Variants in GLT1D1 observed in about 807,000 individuals in gnomAD.
GLT1D1 encodes the protein glycosyltransferase 1 domain containing 1.
GLT1D1 carries 21 observed loss-of-function variants against 28.7 expected under a neutral mutation model. That is an observed-to-expected ratio of 0.73 (90% CI 0.52 to 1.05). The LOEUF (loss-of-function observed/expected upper bound fraction) is 1.05. Ranked by LOEUF, GLT1D1 falls within the 50% of genes least tolerant of loss-of-function variation. The pLI is 0.00. For synonymous variants in GLT1D1, 147 were observed against 124.8 expected (o/e 1.18, Z -1.19); for missense variants, 343 against 330.6 (o/e 1.04, Z -0.29).
At chr12:128,964,453 G>A (rs555180193) in intron 7 of GLT1D1, among the ~76,000 whole-genome samples, 9 of 152,216 alleles carry the variant, frequency 5.9e-5, no homozygotes, top group East Asian at 3.9e-4. Context: ...ACCTCCTGCC[G>A]TCCCCTTGGG....
At chr12:128,971,129 T>C (rs1242568310) in intron 7 of GLT1D1, among the ~76,000 whole-genome samples, 1 of 152,220 alleles carries the variant, frequency 6.6e-6, no homozygotes, top group African/African-American at 2.4e-5. Context: ...TGTCGGATTT[T>C]GTCCCCATGC....
At chr12:128,883,344 C>A (rs1957102746) in intron 2 of GLT1D1, among the ~76,000 whole-genome samples, 1 of 151,324 alleles carries the variant, frequency 6.6e-6, no homozygotes, top group African/African-American at 2.4e-5. Context: ...GTAATCCCAG[C>A]ACTTTGGGAG....
intron 7 of GLT1D1, among the ~76,000 whole-genome samples, chr12:128,960,705 C>A (rs111837641): frequency 0.047 from 7,124 of 151,022 alleles, 535 homozygotes; most frequent in African/African-American, 0.16. Flanking sequence ...TGCAGTGAGC[C>A]GAGACTGCAC....
At chr12:128,866,320 C>G (rs1235788442) in intron 1 of GLT1D1, among the ~76,000 whole-genome samples, 2 of 151,864 alleles carry the variant, frequency 1.3e-5, no homozygotes, top group Non-Finnish European at 2.9e-5. Flanking sequence ...CCACCCGCCT[C>G]AGTCTCCCAA....
intron 4 of GLT1D1, among the ~76,000 whole-genome samples, chr12:128,931,979 ATTTTC>A (rs1283287779): frequency 6.6e-6 from 1 of 151,928 alleles, no homozygotes; most frequent in Non-Finnish European, 1.5e-5. Context: ...GCATCTCTGT[ATTTTC>A]TTTGCTTTCC....
intron 1 of GLT1D1, among the ~76,000 whole-genome samples, chr12:128,863,450 G>A (rs1956430228): frequency 6.6e-6 from 1 of 152,016 alleles, no homozygotes; most frequent in Admixed American, 6.6e-5. Flanking sequence ...TCGGCTCACT[G>A]CAACCTCTGC....
At chr12:128,956,151 T>A (rs1204731072) in intron 6 of GLT1D1, among the ~76,000 whole-genome samples, 1 of 696 alleles carries the variant, frequency 1.4e-3, no homozygotes, top group African/African-American at 7.2e-3. Flanking sequence ...AGAGCGAGAC[T>A]CCATCTCAAA....
chr12:128,931,251 T>C (rs1873842163), intron 4 of GLT1D1, among the ~76,000 whole-genome samples: 2 of 151,956 alleles, frequency 1.3e-5, no homozygotes, highest in Admixed American at 1.3e-4. Flanking sequence ...TCTGCCTGCC[T>C]CGGCCTCCCA....
chr12:128,919,201 G>A (rs754583715), intron 4 of GLT1D1, among the ~76,000 whole-genome samples: 1 of 152,170 alleles, frequency 6.6e-6, no homozygotes, highest in Non-Finnish European at 1.5e-5. Context: ...GGCCTCTGGA[G>A]CATTGGAAAC....
intron 2 of GLT1D1, among the ~76,000 whole-genome samples, chr12:128,881,227 A>AC (rs1307518952): frequency 2.1e-5 from 2 of 94,654 alleles, no homozygotes; most frequent in East Asian, 5.6e-4. Flanking sequence ...CCGTTTCAAA[A>AC]AAAAAAAAAA....
chr12:128,966,608 T>C (rs1470915967), intron 7 of GLT1D1, among the ~76,000 whole-genome samples: 1 of 152,168 alleles, frequency 6.6e-6, no homozygotes, highest in Non-Finnish European at 1.5e-5. Flanking sequence ...TGTGCTCTTC[T>C]GCACGCAGCC....
chr12:128,915,275 C>G (rs1270093379), intron 4 of GLT1D1, among the ~76,000 whole-genome samples: 1 of 152,128 alleles, frequency 6.6e-6, no homozygotes, highest in East Asian at 1.9e-4. Flanking sequence ...AGAATAACAA[C>G]CTCATGTGTT....
intron 7 of GLT1D1, among the ~76,000 whole-genome samples, chr12:128,971,274 C>T (rs1879015064): frequency 6.7e-6 from 1 of 148,610 alleles, no homozygotes; most frequent in African/African-American, 2.5e-5. Flanking sequence ...TAGAAATTGT[C>T]TTTCTTTTGC....
At position 128,909,090 on chromosome 12, in the gene GLT1D1, G is replaced by C. The variant is rs943626195; in HGVS notation, c.375+9803G>C. On this transcript the variant is annotated intron_variant, in intron 4 of 7. Coordinates refer to ENST00000281703, the MANE Select transcript of GLT1D1 (RefSeq NM_144669.3). ...ATCTATAATGAAGCAGGACACCAAC[G>C]CTTCTTCCTCATATTCCAGAATCCC... is the stretch of plus-strand genomic sequence containing the variant. 9.2e-5 allele frequency among the ~76,000 whole-genome samples: 14 copies of C among 152,266 alleles called. 1 individual carries two copies. The highest frequency in any genetic ancestry group is 4.6e-4 in the Admixed American group (7 of 15,290).
intron 1 of GLT1D1, among the ~76,000 whole-genome samples, chr12:128,874,098 T>TTC (rs1263001892): frequency 1.1e-3 from 36 of 33,048 alleles, no homozygotes; most frequent in African/African-American, 2.2e-3. Flanking sequence ...CTTTCTTTCT[T>TTC]TCTCTCTCTC....
At chr12:128,937,204 T>A (rs1284168682) in intron 4 of GLT1D1, among the ~76,000 whole-genome samples, 1 of 152,218 alleles carries the variant, frequency 6.6e-6, no homozygotes, top group African/African-American at 2.4e-5. Context: ...AAGGCTTTCA[T>A]TGGACTGTGT....
At chr12:128,886,454 T>C (rs1433423091) in intron 2 of GLT1D1, among the ~76,000 whole-genome samples, 2 of 152,140 alleles carry the variant, frequency 1.3e-5, no homozygotes, top group East Asian at 3.9e-4. Flanking sequence ...CAGGGGAGCC[T>C]GTTCTGGAGG....
intron 1 of GLT1D1, among the ~76,000 whole-genome samples, chr12:128,868,946 T>C (rs1956615439): frequency 6.6e-6 from 1 of 152,196 alleles, no homozygotes; most frequent in Non-Finnish European, 1.5e-5. Flanking sequence ...CTTAGCTCAC[T>C]GCAACCACCG....
chr12:128,948,163 G>T (rs768201105), intron 6 of GLT1D1, among the ~76,000 whole-genome samples: 1 of 152,070 alleles, frequency 6.6e-6, no homozygotes, highest in Non-Finnish European at 1.5e-5. Context: ...GGCAATCCTC[G>T]CATTCCCTTT....
Sources: gnomAD v4.1 joint callset for allele counts (sites outside exome capture counted in the v4.1 genomes callset) on GRCh38, gnomAD v4.1.1 for gene constraint, MANE v1.5 for transcripts, NCBI Gene and HGNC (gene_info 2026-07-23, HGNC 2026-07-21) for gene names.